The following ADCY8 variants were observed in gnomAD, a reference collection of about 807,000 sequenced individuals.
The protein encoded by ADCY8 is adenylate cyclase type 8.
In ADCY8, 51 loss-of-function variants were observed where a neutral mutation model predicts 119.7. That is an observed-to-expected ratio of 0.43 (90% CI 0.34 to 0.54). The LOEUF (loss-of-function observed/expected upper bound fraction) is 0.54. Ranked by LOEUF, ADCY8 falls within the 20% of genes least tolerant of loss-of-function variation. The probability of loss-of-function intolerance (pLI) is 0.03; values close to 1 mark genes in which losing one functional copy is unlikely to be tolerated. For missense variants in ADCY8, 1,383 were observed against 1,598.8 expected (o/e 0.87, Z 2.30); for synonymous variants, 665 against 651.0 (o/e 1.02, Z -0.33).
rs1222833227 is a variant in ADCY8, at chr8:130,984,156, C to T, written c.1110+6237G>A. ...GCATGGGCGGGCTCCCTGTGTGGGA[C>T]AGAGGAGACTGCATGAGTGGGCTCT... On this transcript the variant is annotated intron_variant, in intron 2 of 17. Coordinates refer to ENST00000286355, the MANE Select transcript of ADCY8 (RefSeq NM_001115.3). 2.0e-5 allele frequency among the ~76,000 whole-genome samples: 3 copies of T among 149,020 alleles called. No individual in the cohort carries two copies. The South Asian group carries it at 6.3e-4, about 31-fold the overall frequency.
chr8:130,831,849 C>A (rs929408923), intron 12 of ADCY8, among the ~76,000 whole-genome samples: 1 of 152,122 alleles, frequency 6.6e-6, no homozygotes, highest in African/African-American at 2.4e-5. Flanking sequence ...TCCAGAGTGG[C>A]AGCATTTGTG....
intron 7 of ADCY8, among the ~76,000 whole-genome samples, chr8:130,890,484 T>A (rs1161076550): frequency 6.6e-6 from 1 of 152,202 alleles, no homozygotes; most frequent in East Asian, 1.9e-4. Context: ...AAGATTCTGT[T>A]TACCAAACTG....
chr8:131,004,839 G>T (rs946084764), intron 1 of ADCY8, among the ~76,000 whole-genome samples: 1 of 152,134 alleles, frequency 6.6e-6, no homozygotes, highest in African/African-American at 2.4e-5. Context: ...GATTCTCATG[G>T]ACACTCACAG....
At chr8:130,889,355 C>T (rs1302782062) in intron 7 of ADCY8, among the ~76,000 whole-genome samples, 1 of 152,104 alleles carries the variant, frequency 6.6e-6, no homozygotes, top group Admixed American at 6.6e-5. Flanking sequence ...TGAAAAATTT[C>T]TTATATCTTC....
intron 14 of ADCY8, 74 bp downstream of exon 14, chr8:130,813,995 T>C: frequency 1.3e-6 from 2 of 1,551,192 alleles, no homozygotes; most frequent in Middle Eastern, 2.1e-4. Context: ...CTCCCAGAGT[T>C]TGGGATCAAT....
intron 14 of ADCY8, among the ~76,000 whole-genome samples, chr8:130,810,530 C>A (rs1816132472): frequency 6.6e-6 from 1 of 152,104 alleles, no homozygotes; most frequent in African/African-American, 2.4e-5. Context: ...TTTCAGGGCC[C>A]CAGTTTCCTC....
intron 17 of ADCY8, among the ~76,000 whole-genome samples, chr8:130,781,703 C>T (rs1203883684): frequency 6.6e-6 from 1 of 152,142 alleles, no homozygotes; most frequent in East Asian, 1.9e-4. Flanking sequence ...CCTGCTTGTG[C>T]TATTACTTCC....
At chr8:130,902,594 A>T (rs747848094) in intron 7 of ADCY8, among the ~76,000 whole-genome samples, 1 of 152,234 alleles carries the variant, frequency 6.6e-6, no homozygotes, top group African/African-American at 2.4e-5. Flanking sequence ...CTAGTCTCAG[A>T]GTGCCCCATC....
intron 9 of ADCY8, among the ~76,000 whole-genome samples, chr8:130,856,452 C>T (rs1427664517): frequency 6.6e-6 from 1 of 152,098 alleles, no homozygotes; most frequent in Non-Finnish European, 1.5e-5. Flanking sequence ...TTGGCTACCA[C>T]CTTCCCATTG....
At chr8:130,925,013 G>C (rs188585469) in intron 5 of ADCY8, among the ~76,000 whole-genome samples, 50 of 148,106 alleles carry the variant, frequency 3.4e-4, no homozygotes, top group Admixed American at 1.8e-3. Flanking sequence ...TAGAAACACA[G>C]TGAAACCCAG....
chr8:130,995,457 A>G (rs1389565184), intron 1 of ADCY8, among the ~76,000 whole-genome samples: 1 of 152,202 alleles, frequency 6.6e-6, no homozygotes, highest in Non-Finnish European at 1.5e-5. Context: ...CTATTATAAT[A>G]TAATACATTG....
chr8:130,982,603 A>C (rs1822272493), intron 2 of ADCY8, among the ~76,000 whole-genome samples: 2 of 152,362 alleles, frequency 1.3e-5, no homozygotes, highest in East Asian at 3.9e-4. Context: ...TCAGAGTCAC[A>C]CTAGCAAGTT....
At chr8:130,943,277 T>C in intron 4 of ADCY8, 74 bp downstream of exon 4, 1 of 1,065,550 alleles carries the variant, frequency 9.4e-7, no homozygotes, top group East Asian at 2.5e-5. Context: ...GAAGGCTGAA[T>C]CCTTCTCTTT....
intron 9 of ADCY8, among the ~76,000 whole-genome samples, chr8:130,864,375 GGTTT>G (rs2130377410): frequency 6.6e-6 from 1 of 152,028 alleles, no homozygotes; most frequent in East Asian, 1.9e-4. Flanking sequence ...GTGATTCTGT[GGTTT>G]GTTGTCTATT....
At chr8:130,924,354 AG>A (rs1820399895) in intron 5 of ADCY8, among the ~76,000 whole-genome samples, 2 of 152,230 alleles carry the variant, frequency 1.3e-5, no homozygotes. Flanking sequence ...TTATCCATGA[AG>A]AACAGCCAAA....
rs547780265 is a variant in ADCY8, at chr8:131,033,516, T to C, written c.960+5858A>G. ...CCCAATCTTCCCAGTTCTAATCTAA[T>C]TATGCTCTGACCTGCTGATAACAGT... On this transcript the variant is annotated intron_variant, in intron 1 of 17. Transcript: ENST00000286355. Among the ~76,000 whole-genome samples the C allele has an allele frequency of 7.2e-5, 11 of 152,272 alleles. No homozygotes were observed. In the East Asian group the frequency reaches 1.7e-3, roughly 24 times the overall value.
intron 2 of ADCY8, among the ~76,000 whole-genome samples, chr8:130,961,086 T>A (rs1821587890): frequency 6.6e-6 from 1 of 152,118 alleles, no homozygotes; most frequent in Admixed American, 6.5e-5. Flanking sequence ...GCCTTTTACT[T>A]CCTTAAAATC....
chr8:130,934,954 A>AG (rs1563735100), intron 5 of ADCY8, among the ~76,000 whole-genome samples: 3 of 152,184 alleles, frequency 2.0e-5, no homozygotes, highest in Non-Finnish European at 4.4e-5. Context: ...ACTTTCAGAT[A>AG]AATCCCTTAA....
chr8:130,898,289 T>C (rs1819475140), intron 7 of ADCY8, among the ~76,000 whole-genome samples: 1 of 125,632 alleles, frequency 8.0e-6, no homozygotes, highest in Non-Finnish European at 1.8e-5. Context: ...TGGAAAAACA[T>C]GGGCACACCA....
Sources: gnomAD v4.1 joint callset for allele counts (sites outside exome capture counted in the v4.1 genomes callset) on GRCh38, gnomAD v4.1.1 for gene constraint, MANE v1.5 for transcripts, NCBI Gene and HGNC (gene_info 2026-07-23, HGNC 2026-07-21) for gene names.